The following DAB1 variants were observed in gnomAD, a reference collection of about 807,000 sequenced individuals.
The protein encoded by DAB1 is DAB adaptor protein 1, also known as disabled homolog 1.
DAB1 carries 15 observed loss-of-function variants against 64.6 expected under a neutral mutation model. The ratio of observed to expected loss-of-function variants is 0.23; its 90% CI spans 0.16 to 0.36. DAB1 has a LOEUF of 0.36. DAB1 is among the 10% of genes least tolerant of loss of function. DAB1 has a pLI of 1.00. For synonymous variants in DAB1, 235 were observed against 251.9 expected, an observed-to-expected ratio of 0.93 and a Z score of 0.64; for missense variants, 596 against 706.7, an observed-to-expected ratio of 0.84 and a Z score of 1.78.
chr1:58,317,652 G>C (rs1170368086), intron 4 of DAB1, among the ~76,000 whole-genome samples: 1 of 152,204 alleles, frequency 6.6e-6, no homozygotes. Flanking sequence ...AACTAGCTTG[G>C]AAGTGGATTC....
chr1:57,488,330 CG>C (rs890886584), intron 7 of DAB1, among the ~76,000 whole-genome samples: 5 of 134,840 alleles, frequency 3.7e-5, no homozygotes, highest in African/African-American at 1.4e-4. Context: ...TGAACCCGGG[CG>C]GGGGAGCTTG....
intron 9 of DAB1, among the ~76,000 whole-genome samples, chr1:57,035,060 T>C (rs1032695346): frequency 3.3e-5 from 5 of 152,152 alleles, no homozygotes; most frequent in African/African-American, 1.2e-4. Context: ...AGCCACCACA[T>C]CAAATAACCA....
chr1:58,368,431 A>G (rs1398109308), intron 3 of DAB1, among the ~76,000 whole-genome samples: 22 of 152,330 alleles, frequency 1.4e-4, no homozygotes, highest in Admixed American at 1.3e-3. Flanking sequence ...AGAGCTGGGC[A>G]AGGATAAATG....
chr1:57,760,620 TCACACA>T (rs60457752), intron 6 of DAB1, among the ~76,000 whole-genome samples: 40,655 of 140,366 alleles, frequency 0.29, 5,836 homozygotes, highest in Admixed American at 0.37. Flanking sequence ...TCTCTCTCTC[TCACACA>T]CACACACACA....
chr1:58,252,344 G>C (rs540918205), intron 4 of DAB1, among the ~76,000 whole-genome samples: 17 of 152,260 alleles, frequency 1.1e-4, no homozygotes, highest in Non-Finnish European at 2.1e-4. Context: ...GAAACATTTC[G>C]AGCAGGAAAG....
chr1:57,079,419 A>G (rs537334919), intron 4 of DAB1, among the ~76,000 whole-genome samples: 90 of 152,222 alleles, frequency 5.9e-4, no homozygotes, highest in Non-Finnish European at 1.2e-3. Context: ...TCACACAGCT[A>G]TCATTTCCTG....
At chr1:58,366,083 C>T (rs12136068) in intron 3 of DAB1, among the ~76,000 whole-genome samples, 14,172 of 152,234 alleles carry the variant, frequency 0.093, 667 homozygotes, top group Middle Eastern at 0.13. Context: ...GCTCCCAATA[C>T]AGTACTATTC....
chr1:57,766,574 G>A (rs916489320), intron 6 of DAB1, among the ~76,000 whole-genome samples: 2 of 152,094 alleles, frequency 1.3e-5, no homozygotes, highest in South Asian at 2.1e-4. Context: ...CATTTCCTTC[G>A]GGTCTTTGCT....
intron 4 of DAB1, among the ~76,000 whole-genome samples, chr1:58,284,556 A>C (rs1661639322): frequency 6.6e-6 from 1 of 152,274 alleles, no homozygotes; most frequent in South Asian, 2.1e-4. Context: ...TGCCCATGGC[A>C]CAGTTACCTG....
At chr1:57,855,195 C>A (rs1653699111) in intron 1 of DAB1, among the ~76,000 whole-genome samples, 1 of 152,106 alleles carries the variant, frequency 6.6e-6, no homozygotes, top group Non-Finnish European at 1.5e-5. Context: ...GGGAGGGGTG[C>A]AGTGAGGTAG....
chr1:57,528,146 G>C (rs891765538), intron 7 of DAB1, among the ~76,000 whole-genome samples: 1 of 152,012 alleles, frequency 6.6e-6, no homozygotes, highest in African/African-American at 2.4e-5. Context: ...AATCAGCAAA[G>C]AAATGGGGAA....
At chr1:57,705,265 C>T (rs1165827702) in intron 6 of DAB1, among the ~76,000 whole-genome samples, 1 of 151,566 alleles carries the variant, frequency 6.6e-6, no homozygotes, top group Non-Finnish European at 1.5e-5. Context: ...ATAGTGTTCA[C>T]CTGGTATATA....
At chr1:57,321,407 A>T (rs1461551249) in intron 1 of DAB1, among the ~76,000 whole-genome samples, 1 of 152,088 alleles carries the variant, frequency 6.6e-6, no homozygotes, top group East Asian at 1.9e-4. Context: ...TGAGAATCTT[A>T]CCAACCCAGT....
At chr1:57,881,365 T>C (rs1449470079) in intron 1 of DAB1, among the ~76,000 whole-genome samples, 1 of 152,208 alleles carries the variant, frequency 6.6e-6, no homozygotes, top group Non-Finnish European at 1.5e-5. Context: ...ATAATAACTT[T>C]AGTAACTCTT....
chr1:58,293,524 C>T (rs1247671425), intron 4 of DAB1, among the ~76,000 whole-genome samples: 3 of 152,188 alleles, frequency 2.0e-5, no homozygotes, highest in Non-Finnish European at 2.9e-5. Context: ...AAAGCCCGCA[C>T]AGCAATGGAA....
intron 3 of DAB1, among the ~76,000 whole-genome samples, chr1:58,471,229 T>C (rs186237626): frequency 2.5e-3 from 378 of 152,300 alleles, no homozygotes; most frequent in African/African-American, 8.7e-3. Context: ...TCCTGGGCCA[T>C]GATATCTTGA....
chr1:57,075,320 C>T (rs548425763), intron 4 of DAB1, among the ~76,000 whole-genome samples: 4 of 152,258 alleles, frequency 2.6e-5, no homozygotes, highest in Non-Finnish European at 5.9e-5. Flanking sequence ...ATTTTTAATG[C>T]CTGATGATAC....
chr1:58,538,924 G>GA (rs1290839084), intron 1 of DAB1: 19 of 872,774 alleles, frequency 2.2e-5, no homozygotes, highest in Non-Finnish European at 3.8e-5. Context: ...AGGGCTTAGA[G>GA]GATGCAATAC....
intron 5 of DAB1, among the ~76,000 whole-genome samples, chr1:57,894,487 A>G (rs1644365106): frequency 6.6e-6 from 1 of 152,154 alleles, no homozygotes; most frequent in Non-Finnish European, 1.5e-5. Flanking sequence ...TCGCCAGGAG[A>G]GAATATTGCA....
Sources: allele counts gnomAD v4.1 joint callset (sites outside exome capture counted in the v4.1 genomes callset), GRCh38; gene constraint gnomAD v4.1.1; transcripts MANE v1.5; gene names NCBI Gene and HGNC (gene_info 2026-07-23, HGNC 2026-07-21).